VDAC1: variants seen among roughly 807,000 people sequenced by gnomAD.
VDAC1 encodes the protein non-selective voltage-gated ion channel VDAC1.
In VDAC1, 10 loss-of-function variants were observed where a neutral mutation model predicts 34.7. That is an observed-to-expected ratio of 0.29 (90% CI 0.18 to 0.49). The LOEUF (loss-of-function observed/expected upper bound fraction) is 0.49. VDAC1 is among the 20% of genes least tolerant of loss of function. The pLI is 0.99. For missense variants in VDAC1, 230 were observed against 347.9 expected (o/e 0.66, Z 2.69); for synonymous variants, 130 against 136.0 (o/e 0.96, Z 0.30).
the VDAC1 span, among the ~76,000 whole-genome samples, chr5:134,110,119 T>C: frequency 2.0e-5 from 3 of 152,176 alleles, no homozygotes; most frequent in Non-Finnish European, 4.4e-5. Context: ...AAATAACCCA[T>C]GGGAATAGTC....
At chr5:134,033,616 A>G in the VDAC1 span, among the ~76,000 whole-genome samples, 1 of 151,882 alleles carries the variant, frequency 6.6e-6, no homozygotes, top group East Asian at 1.9e-4. Flanking sequence ...TTCACGTACC[A>G]ATAATACTAA....
At position 133,973,865 on chromosome 5, in the gene VDAC1, CAA is replaced by C. The variant is rs1561579478; in HGVS notation, c.703-19_703-18del. On this transcript the variant is annotated intron_variant, in intron 7 of 8. Coordinates refer to ENST00000265333, the MANE Select transcript of VDAC1 (RefSeq NM_003374.3). ...CACTTTAGCCTAATCAAGGAAATGA[CAA>C]AACAGAGAAAACATTAAGTATAATA... The C allele has an allele frequency of 1.2e-6, 2 of 1,609,890 alleles. No individual in the cohort carries two copies. The highest frequency in any genetic ancestry group is 2.2e-5 in the South Asian group (2 of 89,996).
chr5:134,113,985 G>A, the VDAC1 span, among the ~76,000 whole-genome samples: 23 of 152,328 alleles, frequency 1.5e-4, no homozygotes, highest in African/African-American at 4.6e-4. Context: ...ATAGGGGCTG[G>A]GACTTGGAGG....
At chr5:134,100,405 C>T in the VDAC1 span, among the ~76,000 whole-genome samples, 2 of 152,234 alleles carry the variant, frequency 1.3e-5, no homozygotes, top group African/African-American at 4.8e-5. Flanking sequence ...GAAAATTCCC[C>T]CAGTGCTTAG....
chr5:134,005,207 G>C (rs1179799040), upstream of VDAC1: 1 of 152,118 alleles, frequency 6.6e-6, no homozygotes, highest in Non-Finnish European at 1.5e-5. Context: ...TGATGTGGCC[G>C]GCGCTGGACC....
At chr5:134,037,571 C>T in the VDAC1 span, among the ~76,000 whole-genome samples, 4 of 152,222 alleles carry the variant, frequency 2.6e-5, no homozygotes, top group South Asian at 8.3e-4. Context: ...CAAAGAATCT[C>T]TGAATCTACC....
At chr5:134,016,974 A>G in the VDAC1 span, among the ~76,000 whole-genome samples, 8 of 152,222 alleles carry the variant, frequency 5.3e-5, no homozygotes, top group Non-Finnish European at 7.3e-5. Flanking sequence ...TGTAGGGGGC[A>G]TGGCAGCAAG....
intron 5 of VDAC1, 96 bp downstream of exon 5, chr5:133,990,759 G>C: frequency 7.1e-7 from 1 of 1,410,894 alleles, no homozygotes; most frequent in Non-Finnish European, 9.6e-7. Context: ...CCATATTTTA[G>C]GTGCTGTCAG....
the VDAC1 span, among the ~76,000 whole-genome samples, chr5:134,015,724 A>G: frequency 6.6e-6 from 1 of 151,320 alleles, no homozygotes; most frequent in East Asian, 2.0e-4. Context: ...AGCTCACTGC[A>G]ACCTCCGCCT....
chr5:133,990,901 G>C lies in VDAC1; in HGVS notation c.277C>G (p.Arg93Gly), dbSNP rs200874428. 5 of 1,580,704 alleles carry C rather than the reference G, an allele frequency of 3.2e-6. No individual in the cohort carries two copies. Among genetic ancestry groups the C allele is most frequent in the Non-Finnish European group, 4.3e-6 (5 of 1,161,772 alleles). ...GAATCGAAGGTCAGCTTCAGTCCAC[G>C]TGCAAGCTGAACAGAAAAGAAATTT... Reference protein sequence around the residue: ...TEITVEDQLARGLKLTFDSSF... With the variant: ...TEITVEDQLAGGLKLTFDSSF... Residue 93 changes from arginine (R) to glycine (G), a missense_variant, in exon 5 of 9, where the codon CGT becomes GGT. Coordinates refer to ENST00000265333, the MANE Select transcript of VDAC1 (RefSeq NM_003374.3).
chr5:134,072,375 G>C, the VDAC1 span, among the ~76,000 whole-genome samples: 1 of 152,162 alleles, frequency 6.6e-6, no homozygotes, highest in Non-Finnish European at 1.5e-5. Flanking sequence ...AGCTCCAAAG[G>C]AGCTTCCATC....
At chr5:133,996,971 G>A (rs1272261630) in intron 1 of VDAC1, among the ~76,000 whole-genome samples, 2 of 152,146 alleles carry the variant, frequency 1.3e-5, no homozygotes, top group African/African-American at 4.8e-5. Flanking sequence ...AGTGCCATCA[G>A]AAGCACTGGT....
At chr5:134,005,741 G>C (rs977682185), upstream of VDAC1, among the ~76,000 whole-genome samples, 17 of 152,190 alleles carry the variant, frequency 1.1e-4, no homozygotes, top group African/African-American at 4.1e-4. Flanking sequence ...GAGTGGTCTC[G>C]TTCACCACTG....
intron 6 of VDAC1, 75 bp downstream of exon 6, chr5:133,980,651 AAAC>A (rs1048099589): frequency 1.0e-6 from 1 of 991,662 alleles, no homozygotes; most frequent in Non-Finnish European, 1.4e-6. Flanking sequence ...AAAAAAAAAA[AAAC>A]AGTGAAAAGC....
At chr5:134,002,509 T>A (rs1753596598) in intron 1 of VDAC1, among the ~76,000 whole-genome samples, 1 of 152,146 alleles carries the variant, frequency 6.6e-6, no homozygotes, top group South Asian at 2.1e-4. Context: ...GAAACACCAG[T>A]TCAACAAGTT....
the VDAC1 span, among the ~76,000 whole-genome samples, chr5:134,080,796 A>G: frequency 2.6e-5 from 4 of 152,364 alleles, no homozygotes; most frequent in South Asian, 8.3e-4. Flanking sequence ...TGAGCTATAC[A>G]TATTTAAAGT....
At chr5:134,107,349 C>A in the VDAC1 span, among the ~76,000 whole-genome samples, 1 of 152,250 alleles carries the variant, frequency 6.6e-6, no homozygotes, top group Non-Finnish European at 1.5e-5. Flanking sequence ...GCAGCCCGGC[C>A]GGGCCATGGC....
At chr5:134,050,429 T>C in the VDAC1 span, among the ~76,000 whole-genome samples, 545 of 152,296 alleles carry the variant, frequency 3.6e-3, 1 homozygote, top group Non-Finnish European at 5.2e-3. Flanking sequence ...CTTTGGGGGA[T>C]GCACTGAAGA....
At chr5:134,022,668 C>T in the VDAC1 span, among the ~76,000 whole-genome samples, 1 of 152,198 alleles carries the variant, frequency 6.6e-6, no homozygotes, top group African/African-American at 2.4e-5. Flanking sequence ...CCCACATGAG[C>T]ACTACGAGGA....
Sources: gnomAD v4.1 joint callset for allele counts (sites outside exome capture counted in the v4.1 genomes callset) on GRCh38, gnomAD v4.1.1 for gene constraint, MANE v1.5 for transcripts, NCBI Gene and HGNC (gene_info 2026-07-23, HGNC 2026-07-21) for gene names.